Variants in ABHD14B observed in about 807,000 individuals in gnomAD.
The protein encoded by ABHD14B is putative protein-lysine deacylase ABHD14B.
Under a neutral mutation model 15.4 loss-of-function variants are expected in ABHD14B, and 19 were observed. That is an observed-to-expected ratio of 1.23 (90% CI 0.86 to 1.81). The LOEUF (loss-of-function observed/expected upper bound fraction) is 1.81. Ranked by LOEUF, ABHD14B falls within the 40% of genes most tolerant of loss-of-function variation. The pLI is 0.00. For synonymous variants in ABHD14B, 92 were observed against 117.3 expected (o/e 0.78, Z 1.39); for missense variants, 243 against 267.0 (o/e 0.91, Z 0.63).
chr3:51,973,584 C>T (rs926093448), intron 1 of ABHD14B: 4 of 323,444 alleles, frequency 1.2e-5, no homozygotes, highest in Non-Finnish European at 2.4e-5. Flanking sequence ...GTGGCGCAAT[C>T]ATGGATCACT....
intron 2 of ABHD14B, 33 bp from the exon 3 acceptor site, chr3:51,970,217 A>C (rs868750736): frequency 6.6e-7 from 1 of 1,516,768 alleles, no homozygotes; most frequent in Non-Finnish European, 8.8e-7. Flanking sequence ...GAGACAAGAC[A>C]AGGGCAGTGA....
chr3:51,972,340 C>T (rs1404035291), intron 1 of ABHD14B, among the ~76,000 whole-genome samples: 1 of 151,410 alleles, frequency 6.6e-6, no homozygotes, highest in Admixed American at 6.6e-5. Flanking sequence ...GAGGCCGAGG[C>T]GGGCGGATCA....
Position 51,969,925 on chromosome 3 carries a change from C to A in ABHD14B, c.453+18G>T. On this transcript the variant is annotated intron_variant, in intron 3 of 3. Transcript: ENST00000361143. The stretch of plus-strand genomic sequence containing the variant: ...CTTGCTCCTGGCAGGGGCACCTCAG[C>A]TTCCCACACAAGGGTACCTTCACAC... 6.2e-7 allele frequency: 1 copy of A among 1,614,208 alleles called. No individual in the cohort carries two copies. The highest frequency in any genetic ancestry group is 1.1e-5 in the South Asian group (1 of 91,088).
In ABHD14B at chr3:51,969,306, G is replaced by A; in HGVS notation, c.*120C>T. 1 of 1,153,334 alleles carries A rather than the reference G, an allele frequency of 8.7e-7. No individual in the cohort carries two copies. The highest frequency in any genetic ancestry group is 1.2e-6 in the Non-Finnish European group (1 of 817,338). The allele number at this position is 1,153,334 out of a possible 1,614,324, so 71.4% of individuals were successfully genotyped here. On this transcript the variant is annotated 3_prime_UTR_variant, in exon 4 of 4. Coordinates refer to ENST00000361143, the MANE Select transcript of ABHD14B (RefSeq NM_001146314.2). ...ACAGACCACAAAAGACAAGAACCCA[G>A]ACATATAGACAGACGCACCTGTTGC...
At chr3:51,974,258 G>C, upstream of ABHD14B, 1 of 353,586 alleles carries the variant, frequency 2.8e-6, no homozygotes, top group Non-Finnish European at 5.5e-6. Context: ...ACATGGAGCA[G>C]TCTGAGGAGG....
In ABHD14B at chr3:51,973,931, A is replaced by C; in HGVS notation, c.-29+34T>G. The C allele has an allele frequency of 3.1e-6, 4 of 1,289,740 alleles. No individual in the cohort carries two copies. In the South Asian group the frequency reaches 3.7e-5, roughly 12 times the overall value. The allele number at this position is 1,289,740 out of a possible 1,614,324, so 79.9% of individuals were successfully genotyped here. A position where few individuals can be genotyped will look rare whatever the true frequency, so the allele number is the denominator to read the frequency against. On this transcript the variant is annotated intron_variant, in intron 1 of 3. Coordinates refer to ENST00000361143, the MANE Select transcript of ABHD14B (RefSeq NM_001146314.2). The stretch of plus-strand genomic sequence containing the variant: ...GTAGGTGGGGTTGGATTTTGACTGG[A>C]GAGAAGAAAGGGTCAGGAGTGCAGG...
Position 51,970,746 on chromosome 3 carries a change from T to A in ABHD14B, c.212-562A>T, listed in dbSNP as rs753975874. ...CCCTGAAGCTCAAGCCAACCCACCA[T>A]TGGAATCAATCCTGCCTGGGCAGGA... On this transcript the variant is annotated intron_variant, in intron 2 of 3. Coordinates refer to ENST00000361143, the MANE Select transcript of ABHD14B (RefSeq NM_001146314.2). The A allele has an allele frequency of 6.8e-5, 31 of 456,634 alleles. No individual in the cohort carries two copies. In the East Asian group the frequency reaches 1.5e-3, roughly 21 times the overall value. The allele number at this position is 456,634 out of a possible 1,614,324, so 28.3% of individuals were successfully genotyped here.
chr3:51,971,378 AGG>A, intron 2 of ABHD14B, 80 bp downstream of exon 2: 1 of 1,386,472 alleles, frequency 7.2e-7, no homozygotes. Flanking sequence ...TGGAGTGGGG[AGG>A]GGCTACATGT....
In ABHD14B at chr3:51,970,081, C is replaced by G. The variant is rs775290445; in HGVS notation, c.315G>C (p.Pro105=). The change falls in exon 3 of 4, where the codon CCG becomes CCC. Residue 105 remains proline, a synonymous_variant. Transcript: ENST00000361143. ...AVVDALELGP[P]VVISPSLSGM... ...CACTCAGTGATGGACTGATCACAAC[C>G]GGGGGGCCCAGCTCCAAGGCATCCA... 1 of 1,606,418 alleles carries G rather than the reference C, an allele frequency of 6.2e-7. No homozygotes were observed. The highest frequency in any genetic ancestry group is 8.5e-7 in the Non-Finnish European group (1 of 1,175,334).
intron 2 of ABHD14B, 52 bp downstream of exon 2, chr3:51,971,408 G>C: frequency 6.1e-6 from 9 of 1,476,366 alleles, no homozygotes; most frequent in Non-Finnish European, 8.1e-6. Context: ...ACCTGGCCCT[G>C]TCCCTAATGA....
chr3:51,973,844 GGGA>G, intron 1 of ABHD14B, 118 bp downstream of exon 1: 1 of 1,289,690 alleles, frequency 7.8e-7, no homozygotes, highest in Non-Finnish European at 1.0e-6. Flanking sequence ...AGGGAGCACC[GGGA>G]GGGAATGGTG....
chr3:51,970,893 G>A, intron 2 of ABHD14B: 1 of 453,616 alleles, frequency 2.2e-6, no homozygotes, highest in South Asian at 1.6e-5. Context: ...ATGACAGGCA[G>A]TCTGGGCACT....
At chr3:51,970,227 A>G (rs1455851107) in intron 2 of ABHD14B, 43 bp from the exon 3 acceptor site, 1 of 1,515,868 alleles carries the variant, frequency 6.6e-7, no homozygotes. Flanking sequence ...AAGGGCAGTG[A>G]ATGGCAAAAC....
rs1183205853 is a variant in ABHD14B, at chr3:51,968,698, C to T, written c.*728G>A. ...TCCCTTTCTGGGGGTCACTTCTGGG[C>T]TGGGGCCAGCTGAAACCTGTGTCCA... On this transcript the variant is annotated 3_prime_UTR_variant, in exon 4 of 4. Transcript: ENST00000361143. 1 of 152,214 alleles carries T rather than the reference C, an allele frequency of 6.6e-6. No individual in the cohort carries two copies. Among genetic ancestry groups the T allele is most frequent in the African/African-American group, 2.4e-5 (1 of 41,440 alleles). 9.4% of individuals were successfully genotyped at this position (152,214 alleles called of 1,614,324 possible).
At chr3:51,973,625 C>A in intron 1 of ABHD14B, 4 of 360,570 alleles carry the variant, frequency 1.1e-5, no homozygotes, top group Non-Finnish European at 2.2e-5. Flanking sequence ...CTCAAGTGAT[C>A]CTCCCGGCTC....
chr3:51,971,067 C>G (rs140463065), intron 2 of ABHD14B, among the ~76,000 whole-genome samples: 5 of 152,326 alleles, frequency 3.3e-5, no homozygotes, highest in South Asian at 2.1e-4. Flanking sequence ...ACTTTACTTC[C>G]AATTGGCTGA....
At position 51,969,244 on chromosome 3, in the gene ABHD14B, A is replaced by G. The variant is rs1700598798; in HGVS notation, c.*182T>C. On this transcript the variant is annotated 3_prime_UTR_variant, in exon 4 of 4. Coordinates refer to ENST00000361143, the MANE Select transcript of ABHD14B (RefSeq NM_001146314.2). ...TTTTTTCTCTTGATTTTACCCCCTC[A>G]GTCTATCACTGCAAGAGAAAGAGGT... 1.7e-6 allele frequency: 1 copy of G among 599,912 alleles called. No individual in the cohort carries two copies. The highest frequency in any genetic ancestry group is 2.8e-6 in the Non-Finnish European group (1 of 361,676). The allele number at this position is 599,912 out of a possible 1,614,324, so 37.2% of individuals were successfully genotyped here. A position where few individuals can be genotyped will look rare whatever the true frequency, so the allele number is the denominator to read the frequency against.
At chr3:51,969,788 C>T in intron 3 of ABHD14B, 155 bp downstream of exon 3, 1 of 1,463,332 alleles carries the variant, frequency 6.8e-7, no homozygotes, top group Non-Finnish European at 9.4e-7. Flanking sequence ...GGGCTTGGCA[C>T]AGTAGTCTGC....
At chr3:51,974,176 C>T (rs1164502156), upstream of ABHD14B, 6 of 690,770 alleles carry the variant, frequency 8.7e-6, no homozygotes, top group African/African-American at 1.9e-5. Context: ...TTCCCAAAGC[C>T]TCTCGGTCTC....
Sources: gnomAD v4.1 joint callset for allele counts (sites outside exome capture counted in the v4.1 genomes callset) on GRCh38, gnomAD v4.1.1 for gene constraint, MANE v1.5 for transcripts, NCBI Gene and HGNC (gene_info 2026-07-23, HGNC 2026-07-21) for gene names.